The following TASOR variants were observed in gnomAD, a reference collection of about 807,000 sequenced individuals.
The protein encoded by TASOR is protein TASOR.
A neutral mutation model predicts 178.6 loss-of-function variants in TASOR; 53 were observed. That is an observed-to-expected ratio of 0.30 (90% CI 0.24 to 0.37). The LOEUF is 0.37. TASOR is among the 10% of genes least tolerant of loss of function. The pLI, the probability that TASOR is intolerant of heterozygous loss-of-function variation, is 1.00. For synonymous variants in TASOR, 713 were observed against 696.2 expected (o/e 1.02, Z -0.38); for missense variants, 1,815 against 1,971.4 (o/e 0.92, Z 1.50).
At position 56,641,704 on chromosome 3, in the gene TASOR, C is replaced by A; in HGVS notation, c.2264G>T (p.Arg755Leu). ...GGAGTTACAGGTATCCTGCTGCTGCCGCCTCAAGTCAGCATCATGTCCAAG... is the reference window on the plus strand; with the variant it reads ...GGAGTTACAGGTATCCTGCTGCTGCAGCCTCAAGTCAGCATCATGTCCAAG... ...GSLGHDADLR[R>L]QQQDTCNSGI... The change falls in exon 15 of 24, where the codon CGG (arginine) becomes CTG (leucine). Residue 755 changes from arginine to leucine, a missense_variant. Transcript: ENST00000683822. 2 of 1,614,108 alleles carry A rather than the reference C, an allele frequency of 1.2e-6. No individual in the cohort carries two copies. Among genetic ancestry groups the A allele is most frequent in the Non-Finnish European group, 1.7e-6 (2 of 1,180,006 alleles).
At chr3:56,653,414 C>T (rs2077399501) in intron 11 of TASOR, among the ~76,000 whole-genome samples, 2 of 149,966 alleles carry the variant, frequency 1.3e-5, no homozygotes, top group South Asian at 4.2e-4. Context: ...AAATAGAAAT[C>T]TACACCTAGA....
At position 56,625,077 on chromosome 3, in the gene TASOR, T is replaced by A; in HGVS notation, c.4140-71A>T. The A allele has an allele frequency of 1.3e-6, 2 of 1,485,934 alleles. 1 individual carries two copies. Among genetic ancestry groups the A allele is most frequent in the South Asian group, 2.5e-5 (2 of 79,076 alleles). 92.0% of individuals were successfully genotyped at this position (1,485,934 alleles called of 1,614,324 possible). On this transcript the variant is annotated intron_variant, in intron 21 of 23. Coordinates refer to ENST00000683822, the MANE Select transcript of TASOR (RefSeq NM_001365635.2). ...TTAGTATGGAAATTTCTGCTTTAGA[T>A]TAAAATTCAATTTCTCCACTGAGGC...
At chr3:56,649,997 A>G (rs1350374464) in intron 11 of TASOR, among the ~76,000 whole-genome samples, 2 of 152,238 alleles carry the variant, frequency 1.3e-5, no homozygotes, top group Non-Finnish European at 2.9e-5. Context: ...CCTTGAGAGC[A>G]TATCCCTTTG....
chr3:56,647,155 C>A lies in TASOR; in HGVS notation c.1582G>T (p.Ala528Ser). Residue 528 changes from alanine to serine, a missense_variant, in exon 14 of 24, where the codon GCT becomes TCT. Ala to Ser is a moderately conservative substitution (Grantham distance 99, BLOSUM62 1). Coordinates refer to ENST00000683822, the MANE Select transcript of TASOR (RefSeq NM_001365635.2). ...HESMPDVLKI[A>S]QFLQFSLIQC... ...ATCAAAGAAAATTGTAAAAACTGAG[C>A]TATTTTTAATACATCTGGCATGCTC... The A allele has an allele frequency of 6.2e-7, 1 of 1,601,702 alleles. No homozygotes were observed. The highest frequency in any genetic ancestry group is 8.5e-7 in the Non-Finnish European group (1 of 1,176,972).
intron 18 of TASOR, among the ~76,000 whole-genome samples, chr3:56,631,852 G>T (rs2076922242): frequency 6.6e-6 from 1 of 152,018 alleles, no homozygotes; most frequent in Admixed American, 6.5e-5. Flanking sequence ...CAAAGTGCTG[G>T]GATTACAGGC....
chr3:56,657,265 T>A (rs908810544), intron 11 of TASOR, among the ~76,000 whole-genome samples: 1 of 151,036 alleles, frequency 6.6e-6, no homozygotes, highest in Non-Finnish European at 1.5e-5. Context: ...GAGGCAGAGA[T>A]TGCAGTGAGC....
intron 1 of TASOR, among the ~76,000 whole-genome samples, chr3:56,677,941 C>T (rs560157153): frequency 8.5e-5 from 13 of 152,192 alleles, no homozygotes; most frequent in African/African-American, 2.9e-4. Context: ...CCATTAAATG[C>T]CTGTCAGAAG....
chr3:56,671,591 T>G lies in TASOR; in HGVS notation c.570+9A>C, dbSNP rs1306848677. 1 of 1,533,864 alleles carries G rather than the reference T, an allele frequency of 6.5e-7. No homozygotes were observed. The highest frequency in any genetic ancestry group is 2.5e-5 in the East Asian group (1 of 40,706). On this transcript the variant is annotated intron_variant, in intron 3 of 23. Transcript: ENST00000683822. ...CCCAAATTGTTTTTTATAAAATGCG[T>G]TAACTCACCTGGTATCGATCAACCA...
chr3:56,648,012 A>C (rs572163612), intron 13 of TASOR, among the ~76,000 whole-genome samples: 1 of 152,258 alleles, frequency 6.6e-6, no homozygotes, highest in African/African-American at 2.4e-5. Flanking sequence ...CAACCTAGAC[A>C]ATATAGTGAG....
chr3:56,648,741 T>C (rs1216007479), intron 13 of TASOR, 81 bp downstream of exon 13: 5 of 979,576 alleles, frequency 5.1e-6, no homozygotes, highest in East Asian at 5.2e-5. Context: ...AAAGACAAAA[T>C]GTTTAGTGAG....
rs368485303 is a variant in TASOR, at chr3:56,641,334, C to A, written c.2619+15G>T. 6.4e-7 allele frequency: 1 copy of A among 1,564,976 alleles called. No individual in the cohort carries two copies. Among genetic ancestry groups the A allele is most frequent in the African/African-American group, 1.4e-5 (1 of 73,908 alleles). On this transcript the variant is annotated intron_variant, in intron 15 of 23. Transcript: ENST00000683822. ...CACTCACAAACACAAAGGTAACCAA[C>A]AGCTATATGCTTACTTCTTTCAAAT...
chr3:56,620,416 G>GT lies in TASOR; in HGVS notation c.*2620dup, dbSNP rs1299273095. On this transcript the variant is annotated 3_prime_UTR_variant, in exon 24 of 24. Transcript: ENST00000683822. The stretch of plus-strand genomic sequence containing the variant: ...TTTGCTCTCTGATTAAAACAAACAG[G>GT]TAACATCCTTACACCTTTGCTCCAT... 6.5e-6 allele frequency: 1 copy of GT among 153,152 alleles called. No homozygotes were observed. Among genetic ancestry groups the GT allele is most frequent in the Non-Finnish European group, 1.5e-5 (1 of 68,786 alleles). The allele number at this position is 153,152 out of a possible 1,614,324, so 9.5% of individuals were successfully genotyped here.
intron 3 of TASOR, among the ~76,000 whole-genome samples, chr3:56,670,399 T>C (rs1315701370): frequency 6.6e-6 from 1 of 152,134 alleles, no homozygotes; most frequent in Non-Finnish European, 1.5e-5. Context: ...CTCTGCCCTC[T>C]AGGCTGGAGT....
intron 19 of TASOR, 71 bp downstream of exon 19, chr3:56,628,421 T>A: frequency 2.2e-6 from 3 of 1,349,294 alleles, no homozygotes; most frequent in Non-Finnish European, 3.1e-6. Context: ...AACACTAGTC[T>A]GGCAGACAGT....
intron 18 of TASOR, chr3:56,628,948 T>C (rs1578189026): frequency 6.7e-6 from 1 of 149,370 alleles, no homozygotes; most frequent in Non-Finnish European, 1.4e-5. Context: ...TTTTTTTTTT[T>C]TTTTGTAAGA....
rs56218279 is a variant in TASOR, at chr3:56,648,631, CAAAAAAAAAAAAA to C, written c.1513+178_1513+190del. Among the ~76,000 whole-genome samples the C allele has an allele frequency of 3.8e-3, 321 of 84,566 alleles. 6 individuals carry two copies. Among genetic ancestry groups the C allele is most frequent in the Middle Eastern group, 0.022 (3 of 134 alleles). The allele number at this position is 84,566 out of a possible 152,430, so 55.5% of individuals were successfully genotyped here. The stretch of plus-strand genomic sequence containing the variant: ...GGGCAAGAAGAGCAAAACTCTGTAT[CAAAAAAAAAAAAA>C]AAAAAAAAAAAAAAAAATTCATATA... On this transcript the variant is annotated intron_variant, in intron 13 of 23. Transcript: ENST00000683822.
chr3:56,629,341 C>A (rs2076863492), intron 18 of TASOR, among the ~76,000 whole-genome samples: 1 of 151,442 alleles, frequency 6.6e-6, no homozygotes, highest in Non-Finnish European at 1.5e-5. Flanking sequence ...AACCTAGAGT[C>A]TAATCATTAA....
At chr3:56,676,532 G>T (rs1360622007) in intron 1 of TASOR, among the ~76,000 whole-genome samples, 1 of 152,102 alleles carries the variant, frequency 6.6e-6, no homozygotes, top group African/African-American at 2.4e-5. Context: ...AACCAAAGTG[G>T]GCCAAGCATG....
intron 22 of TASOR, 68 bp downstream of exon 22, chr3:56,624,760 A>T: frequency 6.4e-7 from 1 of 1,564,442 alleles, no homozygotes; most frequent in Non-Finnish European, 8.7e-7. Flanking sequence ...TACCCACCAC[A>T]GCCCCATAAA....
Sources: gnomAD v4.1 joint callset for allele counts (sites outside exome capture counted in the v4.1 genomes callset) on GRCh38, gnomAD v4.1.1 for gene constraint, MANE v1.5 for transcripts, NCBI Gene and HGNC (gene_info 2026-07-23, HGNC 2026-07-21) for gene names.